SPAG16: variants seen among roughly 807,000 people sequenced by gnomAD.
The protein encoded by SPAG16 is sperm-associated antigen 16 protein.
A neutral mutation model predicts 80.4 loss-of-function variants in SPAG16; 86 were observed. That is an observed-to-expected ratio of 1.07 (90% CI 0.90 to 1.28). The LOEUF (loss-of-function observed/expected upper bound fraction) is 1.28, where lower values mean the gene tolerates loss of function less well. Ranked by LOEUF, SPAG16 falls within the 50% of genes most tolerant of loss-of-function variation. The pLI is 0.00. For synonymous variants in SPAG16, 294 were observed against 265.9 expected (o/e 1.11, Z -1.03); for missense variants, 870 against 765.3 (o/e 1.14, Z -1.61).
intron 10 of SPAG16, among the ~76,000 whole-genome samples, chr2:213,838,890 C>A (rs1274546743): frequency 3.9e-5 from 6 of 152,182 alleles, no homozygotes; most frequent in African/African-American, 1.2e-4. Context: ...GGAACAGAAG[C>A]ATGAATAACT....
chr2:214,149,288 G>GT, intron 15 of SPAG16, 22 bp downstream of exon 15: 1 of 1,519,344 alleles, frequency 6.6e-7, no homozygotes, highest in Non-Finnish European at 8.8e-7. Context: ...TTTGTCTAAT[G>GT]TTTCTGACTA....
At chr2:214,203,661 C>T (rs1221493487) in intron 15 of SPAG16, among the ~76,000 whole-genome samples, 1 of 152,140 alleles carries the variant, frequency 6.6e-6, no homozygotes, top group Non-Finnish European at 1.5e-5. Context: ...GTGGGAAGAG[C>T]CCTGTGGACA....
chr2:213,796,944 G>A (rs1246298619), intron 10 of SPAG16, among the ~76,000 whole-genome samples: 2 of 151,600 alleles, frequency 1.3e-5, no homozygotes, highest in Non-Finnish European at 2.9e-5. Context: ...AGACCTTTTA[G>A]TGAGAGAAGA....
rs187555196 is a variant in SPAG16 at position 214,092,145 on chromosome 2, A to C, written c.1528-16051A>C. Among the ~76,000 whole-genome samples the C allele has an allele frequency of 4.9e-3, 743 of 152,256 alleles. 3 individuals are homozygous for C. The highest frequency in any genetic ancestry group is 6.2e-3 in the Non-Finnish European group (422 of 67,988). On this transcript the variant is annotated intron_variant, in intron 13 of 15. Coordinates refer to ENST00000331683, the MANE Select transcript of SPAG16 (RefSeq NM_024532.5). ...AAAATTATTTTCTTGATGAGCAGTC[A>C]CTTCATTTCCAGGTTTTTGCCACCA...
At chr2:214,017,387 C>A (rs1021215244) in intron 13 of SPAG16, among the ~76,000 whole-genome samples, 2 of 152,020 alleles carry the variant, frequency 1.3e-5, no homozygotes, top group African/African-American at 2.4e-5. Flanking sequence ...AGAGGAATAT[C>A]CATAGAGAAA....
chr2:213,303,928 T>C (rs953463834), intron 3 of SPAG16, among the ~76,000 whole-genome samples: 2 of 152,082 alleles, frequency 1.3e-5, no homozygotes, highest in African/African-American at 4.8e-5. Flanking sequence ...ATTAAATAAC[T>C]CTTACTTTTA....
At chr2:213,674,226 A>C (rs2125232257) in intron 10 of SPAG16, among the ~76,000 whole-genome samples, 1 of 152,256 alleles carries the variant, frequency 6.6e-6, no homozygotes, top group South Asian at 2.1e-4. Flanking sequence ...TTCATTTATA[A>C]TTTTACAGTT....
At chr2:214,062,968 A>C (rs2050350538) in intron 13 of SPAG16, among the ~76,000 whole-genome samples, 1 of 152,174 alleles carries the variant, frequency 6.6e-6, no homozygotes, top group Non-Finnish European at 1.5e-5. Context: ...TAAAATGTTG[A>C]AAATAAGTGA....
chr2:213,445,545 C>T (rs1472864622), intron 9 of SPAG16, among the ~76,000 whole-genome samples: 2 of 152,116 alleles, frequency 1.3e-5, no homozygotes, highest in South Asian at 2.1e-4. Context: ...TCCTGTAATC[C>T]CAGCTACTTT....
chr2:214,215,227 T>G (rs2058397739), intron 15 of SPAG16, among the ~76,000 whole-genome samples: 1 of 152,050 alleles, frequency 6.6e-6, no homozygotes, highest in Admixed American at 6.6e-5. Flanking sequence ...CAGAAATGAC[T>G]AATGGAACTG....
chr2:213,751,617 T>C (rs909465820), intron 10 of SPAG16, among the ~76,000 whole-genome samples: 1 of 152,186 alleles, frequency 6.6e-6, no homozygotes, highest in African/African-American at 2.4e-5. Context: ...ATAAATATCT[T>C]CTATTTTCTG....
At chr2:214,038,591 T>C (rs1291574712) in intron 13 of SPAG16, among the ~76,000 whole-genome samples, 1 of 152,164 alleles carries the variant, frequency 6.6e-6, no homozygotes, top group African/African-American at 2.4e-5. Flanking sequence ...GTGCACAATG[T>C]GCAGGTTAGT....
chr2:214,088,155 G>T (rs2051909019), intron 13 of SPAG16, among the ~76,000 whole-genome samples: 1 of 151,964 alleles, frequency 6.6e-6, no homozygotes, highest in Non-Finnish European at 1.5e-5. Flanking sequence ...TTTCCAGGGA[G>T]TGGAGGAAGA....
At chr2:213,535,808 C>A (rs548620486) in intron 10 of SPAG16, among the ~76,000 whole-genome samples, 1 of 152,014 alleles carries the variant, frequency 6.6e-6, no homozygotes, top group Non-Finnish European at 1.5e-5. Context: ...GTAACCTTGA[C>A]CACATTTTTT....
At chr2:213,931,402 A>C (rs1162392550) in intron 12 of SPAG16, among the ~76,000 whole-genome samples, 1 of 152,182 alleles carries the variant, frequency 6.6e-6, no homozygotes, top group Admixed American at 6.5e-5. Context: ...TTTATCTGGA[A>C]TATCCAATCA....
intron 13 of SPAG16, among the ~76,000 whole-genome samples, chr2:214,071,633 C>T (rs2050792195): frequency 6.6e-6 from 1 of 152,140 alleles, no homozygotes; most frequent in South Asian, 2.1e-4. Flanking sequence ...ATGTTTACTG[C>T]ACCAATTATA....
intron 9 of SPAG16, among the ~76,000 whole-genome samples, chr2:213,379,111 T>A (rs577559848): frequency 3.3e-5 from 5 of 152,164 alleles, no homozygotes; most frequent in Non-Finnish European, 5.9e-5. Context: ...GCAGCGTTCC[T>A]CCCTCTGGAA....
intron 3 of SPAG16, among the ~76,000 whole-genome samples, chr2:213,305,176 A>C (rs2062890649): frequency 6.6e-6 from 1 of 152,282 alleles, no homozygotes; most frequent in Middle Eastern, 3.4e-3. Flanking sequence ...CCAGATTGTT[A>C]ACTGTCAGCA....
chr2:213,340,343 GT>G, intron 6 of SPAG16, 73 bp downstream of exon 6: 2 of 1,081,164 alleles, frequency 1.8e-6, no homozygotes, highest in Non-Finnish European at 1.4e-6. Context: ...TTATGACAAA[GT>G]TTTAGACAAA....
Sources: allele counts gnomAD v4.1 joint callset (sites outside exome capture counted in the v4.1 genomes callset), GRCh38; gene constraint gnomAD v4.1.1; transcripts MANE v1.5; gene names NCBI Gene and HGNC (gene_info 2026-07-23, HGNC 2026-07-21).